Variants in PTCHD4 observed in about 807,000 individuals in gnomAD.
PTCHD4 encodes the protein patched domain containing 4, also known as patched domain-containing protein 4.
PTCHD4 carries 33 observed loss-of-function variants against 58.1 expected under a neutral mutation model. The ratio of observed to expected loss-of-function variants is 0.57; its 90% CI spans 0.43 to 0.76. PTCHD4 has a LOEUF of 0.76. Among genes scored for constraint, PTCHD4 ranks in the 30% least tolerant of loss-of-function variants. The pLI is 0.00. For synonymous variants in PTCHD4, 478 were observed against 409.6 expected (o/e 1.17, Z -2.02); for missense variants, 1,058 against 1,027.1 (o/e 1.03, Z -0.41).
intron 1 of PTCHD4, among the ~76,000 whole-genome samples, chr6:48,099,424 C>T (rs1765550241): frequency 6.6e-6 from 1 of 152,138 alleles, no homozygotes; most frequent in African/African-American, 2.4e-5. Flanking sequence ...CCTCCATAAG[C>T]TGGGTACAGG....
chr6:47,901,677 C>T (rs1204678121), intron 4 of PTCHD4: 4 of 1,152,078 alleles, frequency 3.5e-6, no homozygotes, highest in Non-Finnish European at 4.3e-6. Flanking sequence ...AAAGAAATAC[C>T]TGGAGGATAC....
intron 4 of PTCHD4, among the ~76,000 whole-genome samples, chr6:47,956,066 T>G (rs909712176): frequency 6.6e-6 from 1 of 152,238 alleles, no homozygotes; most frequent in Non-Finnish European, 1.5e-5. Context: ...TTCCCATTTA[T>G]GTTGTTTCTG....
intron 3 of PTCHD4, among the ~76,000 whole-genome samples, chr6:48,040,132 T>C (rs965367660): frequency 7.9e-5 from 12 of 152,096 alleles, no homozygotes; most frequent in Admixed American, 3.3e-4. Context: ...TGATTCTAAT[T>C]CTTAGTTTAG....
rs368072263 is a variant in PTCHD4 at position 48,103,353 on chromosome 6, G to A, written c.-970+7696C>T. 9.8e-5 allele frequency among the ~76,000 whole-genome samples: 15 copies of A among 152,298 alleles called. No homozygotes were observed. In the East Asian group the frequency reaches 1.7e-3, roughly 18 times the overall value. On this transcript the variant is annotated intron_variant, in intron 1 of 4. Transcript: ENST00000339488. The stretch of plus-strand genomic sequence containing the variant: ...TACCCAGGCAAACAGGGTCTGCAGT[G>A]GACCTCCAGTAAACTCCAACAGACC...
chr6:47,918,486 A>G (rs538782059), intron 4 of PTCHD4, among the ~76,000 whole-genome samples: 1 of 152,138 alleles, frequency 6.6e-6, no homozygotes, highest in South Asian at 2.1e-4. Context: ...AGATTGCTCT[A>G]TGCCATTTTC....
chr6:48,080,421 C>A (rs1016100363), intron 1 of PTCHD4, among the ~76,000 whole-genome samples: 6 of 152,238 alleles, frequency 3.9e-5, no homozygotes, highest in African/African-American at 1.4e-4. Flanking sequence ...TGTGATGAAA[C>A]GTCTTTCTGT....
intron 1 of PTCHD4, among the ~76,000 whole-genome samples, chr6:48,104,286 A>G (rs928724669): frequency 3.6e-4 from 55 of 152,294 alleles, no homozygotes; most frequent in Admixed American, 2.1e-3. Flanking sequence ...AAGAGAGTGG[A>G]GGCCAATATT....
chr6:47,879,888 G>GTTCT lies in PTCHD4; in HGVS notation c.943_946dup (p.Thr316LysfsTer18). On this transcript the variant is annotated frameshift_variant, in exon 5 of 5. Coordinates refer to ENST00000339488, the MANE Select transcript of PTCHD4 (RefSeq NM_001384253.1). LOFTEE classifies it high-confidence loss of function. ...GTCTTTGAAGGGCAAGTTCTCTTTG[G>GTTCT]TTCTCCGCCATCCGGACAGAAGCTC... 2 of 1,586,222 alleles carry GTTCT rather than the reference G, an allele frequency of 1.3e-6. No individual in the cohort carries two copies. The highest frequency in any genetic ancestry group is 8.6e-7 in the Non-Finnish European group (1 of 1,165,508).
chr6:47,885,355 T>A (rs1326135833), intron 4 of PTCHD4, among the ~76,000 whole-genome samples: 2 of 152,108 alleles, frequency 1.3e-5, no homozygotes, highest in African/African-American at 4.8e-5. Context: ...ATTAGAAGCA[T>A]GGTGTAACAA....
chr6:47,883,780 C>T (rs1233745627), intron 4 of PTCHD4, among the ~76,000 whole-genome samples: 1 of 152,042 alleles, frequency 6.6e-6, no homozygotes, highest in South Asian at 2.1e-4. Flanking sequence ...AGATGCACAC[C>T]CCACAGTTAT....
intron 3 of PTCHD4, among the ~76,000 whole-genome samples, chr6:48,049,201 T>C (rs1476554420): frequency 6.6e-6 from 1 of 151,860 alleles, no homozygotes; most frequent in Non-Finnish European, 1.5e-5. Context: ...AGGAGGATGC[T>C]ACTAGCATCT....
chr6:47,971,286 A>G (rs1317586895), intron 4 of PTCHD4, among the ~76,000 whole-genome samples: 1 of 152,190 alleles, frequency 6.6e-6, no homozygotes, highest in Non-Finnish European at 1.5e-5. Flanking sequence ...AAAAGGAACA[A>G]TAAGAAACAA....
At chr6:47,987,419 T>TAA (rs748765717) in intron 4 of PTCHD4, among the ~76,000 whole-genome samples, 2 of 138,954 alleles carry the variant, frequency 1.4e-5, no homozygotes, top group South Asian at 2.3e-4. Flanking sequence ...AAAAAAAGAT[T>TAA]AAAAAAAAAA....
intron 1 of PTCHD4, among the ~76,000 whole-genome samples, chr6:48,097,532 T>C (rs1164372736): frequency 6.6e-6 from 1 of 152,112 alleles, no homozygotes; most frequent in Admixed American, 6.5e-5. Context: ...GAACAGTCAA[T>C]AATAGAGTAA....
rs570332702 is a variant in PTCHD4, at chr6:48,002,004, A to G, written c.898+6630T>C. Among the ~76,000 whole-genome samples the G allele has an allele frequency of 2.1e-3, 321 of 152,354 alleles. 4 individuals are homozygous for G. Among genetic ancestry groups the G allele is most frequent in the African/African-American group, 7.1e-3 (296 of 41,584 alleles). ...CATTTATGCAGCCAAAAGACACATG[A>G]AAAAATGTTCATCATCACTGGCCAT... is the stretch of plus-strand genomic sequence containing the variant. On this transcript the variant is annotated intron_variant, in intron 4 of 4. Transcript: ENST00000339488.
intron 1 of PTCHD4, among the ~76,000 whole-genome samples, chr6:48,071,398 G>A (rs531060738): frequency 4.4e-4 from 67 of 152,232 alleles, no homozygotes; most frequent in African/African-American, 1.5e-3. Flanking sequence ...TGAAGAATTA[G>A]GTGCAATATG....
chr6:48,068,469 G>A lies in PTCHD4; in HGVS notation c.178C>T (p.Arg60Cys), dbSNP rs773037332. The A allele has an allele frequency of 5.0e-6, 8 of 1,613,662 alleles. No homozygotes were observed. Among genetic ancestry groups the A allele is most frequent in the Admixed American group, 1.7e-5 (1 of 59,998 alleles). ...TCCAGGTCGCCCTCGGGCTGGAAGC[G>A]GTTGAGCGCGCTGAGGCCGAAGGTG... Reference protein sequence around the residue: ...TITFGLSALNRFQPEGDLERL... With the variant: ...TITFGLSALNCFQPEGDLERL... The change falls in exon 3 of 5, where the codon CGC becomes TGC. Residue 60 changes from arginine to cysteine, a missense_variant. Transcript: ENST00000339488. This position sits in a 1 kb window ranked among gnomAD's most constrained non-coding sequence, Gnocchi z 4.2.
At chr6:47,968,845 T>C (rs1370603556) in intron 4 of PTCHD4, among the ~76,000 whole-genome samples, 1 of 152,116 alleles carries the variant, frequency 6.6e-6, no homozygotes, top group Non-Finnish European at 1.5e-5. Context: ...TGCTATATGA[T>C]GATATATTAA....
At chr6:47,882,194 C>T (rs374929744) in intron 4 of PTCHD4, among the ~76,000 whole-genome samples, 1 of 152,092 alleles carries the variant, frequency 6.6e-6, no homozygotes, top group South Asian at 2.1e-4. Context: ...CTCCTGCTAT[C>T]TTTGTAGTCA....
Sources: allele counts gnomAD v4.1 joint callset (sites outside exome capture counted in the v4.1 genomes callset), GRCh38; gene constraint gnomAD v4.1.1; non-coding constraint Gnocchi (gnomAD v3.1); transcripts MANE v1.5; gene names NCBI Gene and HGNC (gene_info 2026-07-23, HGNC 2026-07-21).